ADGRE1: variants seen among roughly 807,000 people sequenced by gnomAD.
ADGRE1 encodes EGF-like module receptor 1.
ADGRE1 carries 82 observed loss-of-function variants against 102.7 expected under a neutral mutation model. The observed-to-expected ratio is 0.80, with a 90% CI of 0.67 to 0.96. The LOEUF (loss-of-function observed/expected upper bound fraction) is 0.96. Ranked by LOEUF, ADGRE1 falls within the 40% of genes least tolerant of loss-of-function variation. The probability of loss-of-function intolerance (pLI) is 0.00; values close to 1 mark genes in which losing one functional copy is unlikely to be tolerated. For missense variants in ADGRE1, 1,032 were observed against 1,085.3 expected (o/e 0.95, Z 0.69); for synonymous variants, 398 against 399.6 (o/e 1.00, Z 0.05).
In ADGRE1 at chr19:6,924,777, C is replaced by T. The variant is rs201517457; in HGVS notation, c.1891C>T (p.Arg631Ter). The change falls in exon 15 of 21, where the codon CGA becomes TGA. Residue 631 changes from arginine (R) to a stop codon, truncating the protein, a stop_gained. Coordinates refer to ENST00000312053, the MANE Select transcript of ADGRE1 (RefSeq NM_001974.5). LOFTEE classifies it high-confidence loss of function. ...CACCTTTCTGCTGTGTCGCTCCATCCGAAATCACAACACCTACCTCCACCT... is the reference window on the plus strand; with the variant it reads ...CACCTTTCTGCTGTGTCGCTCCATCTGAAATCACAACACCTACCTCCACCT... ...IATFLLCRSI[R>*]NHNTYLHLHL... 1.9e-5 allele frequency: 30 copies of T among 1,614,144 alleles called. No homozygotes were observed. Among genetic ancestry groups the T allele is most frequent in the Admixed American group, 3.3e-5 (2 of 60,010 alleles).
In ADGRE1 at chr19:6,919,626, C is replaced by T. The variant is rs1187184895; in HGVS notation, c.1499C>T (p.Ala500Val). The stretch of plus-strand genomic sequence containing the variant: ...GAGCGCTTCTTCAAAGACCACCAGG[C>T]TCCCTTGACCACCTCTGAGATCAAG... ...LNERFFKDHQAPLTTSEIKLK... is the reference protein window; with the variant it reads ...LNERFFKDHQVPLTTSEIKLK... The change falls in exon 13 of 21, where the codon GCT becomes GTT. Residue 500 changes from alanine (A) to valine (V), a missense_variant. By Grantham distance (64) the Ala-to-Val change is moderately conservative. Coordinates refer to ENST00000312053, the MANE Select transcript of ADGRE1 (RefSeq NM_001974.5). 2 of 1,613,626 alleles carry T rather than the reference C, an allele frequency of 1.2e-6. No individual in the cohort carries two copies. The highest frequency in any genetic ancestry group is 1.7e-6 in the Non-Finnish European group (2 of 1,179,950).
At chr19:6,890,030 A>T (rs1599706139) in intron 1 of ADGRE1, among the ~76,000 whole-genome samples, 1 of 152,022 alleles carries the variant, frequency 6.6e-6, no homozygotes, top group Non-Finnish European at 1.5e-5. Flanking sequence ...CTTCCACCTC[A>T]GCCTCCTGAG....
rs556820459 is a variant in ADGRE1 at position 6,902,629 on chromosome 19, C to T, written c.661+608C>T. The stretch of plus-strand genomic sequence containing the variant: ...CTAATTTTTGTATTTTTAGTAGAGA[C>T]AAGGTTTCACCGTGTTGGCCAGGCT... On this transcript the variant is annotated intron_variant, in intron 6 of 20. Coordinates refer to ENST00000312053, the MANE Select transcript of ADGRE1 (RefSeq NM_001974.5). 5.2e-4 allele frequency among the ~76,000 whole-genome samples: 79 copies of T among 152,062 alleles called. 1 individual carries two copies. Among genetic ancestry groups the T allele is most frequent in the Admixed American group, 9.8e-4 (15 of 15,264 alleles).
intron 17 of ADGRE1, among the ~76,000 whole-genome samples, chr19:6,930,343 A>G (rs1306573196): frequency 6.6e-6 from 1 of 152,236 alleles, no homozygotes; most frequent in Admixed American, 6.5e-5. Context: ...ACCTCCATCC[A>G]GACTTGACAG....
chr19:6,932,661 C>A (rs1975212187), intron 17 of ADGRE1, among the ~76,000 whole-genome samples: 1 of 152,024 alleles, frequency 6.6e-6, no homozygotes, highest in Non-Finnish European at 1.5e-5. Flanking sequence ...TGTCCACTCC[C>A]TGAGCCTGAC....
Position 6,908,712 on chromosome 19 carries a change from T to C in ADGRE1, c.1062T>C (p.Asn354=), listed in dbSNP as rs778794420. ...PAYVSFCAQI[N]NIFSVLDKVC... ...AGGTCTCCTTTTGTGCACAAATAAA[T>C]AACATCTTCAGCGTTCTGGACAAAG... The change falls in exon 10 of 21, where the codon AAT becomes AAC. Residue 354 remains asparagine, a synonymous_variant. Coordinates refer to ENST00000312053, the MANE Select transcript of ADGRE1 (RefSeq NM_001974.5). 1 of 1,573,500 alleles carries C rather than the reference T, an allele frequency of 6.4e-7. No individual in the cohort carries two copies. The highest frequency in any genetic ancestry group is 8.6e-7 in the Non-Finnish European group (1 of 1,157,844).
chr19:6,906,900 C>G (rs1233886073), intron 9 of ADGRE1, among the ~76,000 whole-genome samples: 1 of 152,154 alleles, frequency 6.6e-6, no homozygotes, highest in Non-Finnish European at 1.5e-5. Context: ...CATGGTCCCA[C>G]CTAGCTGCAA....
chr19:6,908,707 A>G lies in ADGRE1; in HGVS notation c.1057A>G (p.Ile353Val). 2 of 1,603,518 alleles carry G rather than the reference A, an allele frequency of 1.2e-6. No individual in the cohort carries two copies. Among genetic ancestry groups the G allele is most frequent in the Non-Finnish European group, 1.7e-6 (2 of 1,177,268 alleles). The change falls in exon 10 of 21, where the codon ATA becomes GTA. Residue 353 changes from isoleucine to valine, a missense_variant. Transcript: ENST00000312053. Reference protein sequence around the residue: ...KPAYVSFCAQINNIFSVLDKV... With the variant: ...KPAYVSFCAQVNNIFSVLDKV... ...GACGCAGGTCTCCTTTTGTGCACAA[A>G]TAAATAACATCTTCAGCGTTCTGGA...
chr19:6,925,005 A>G (rs1974838876), intron 15 of ADGRE1, 133 bp downstream of exon 15: 2 of 813,768 alleles, frequency 2.5e-6, no homozygotes, highest in Non-Finnish European at 3.8e-6. Context: ...TCTGCCTGTA[A>G]CACTCACTTC....
intron 11 of ADGRE1, among the ~76,000 whole-genome samples, chr19:6,914,755 C>A (rs190841287): frequency 6.6e-6 from 1 of 152,170 alleles, no homozygotes; most frequent in African/African-American, 2.4e-5. Flanking sequence ...GTACAGCAGG[C>A]TAGGGAGGTT....
chr19:6,908,907 A>T, intron 10 of ADGRE1, 135 bp downstream of exon 10: 2 of 745,588 alleles, frequency 2.7e-6, no homozygotes, highest in Non-Finnish European at 4.2e-6. Context: ...ATTGAGTCAG[A>T]TGAATCACTT....
chr19:6,904,479 C>CA (rs1568342541), intron 8 of ADGRE1, among the ~76,000 whole-genome samples: 8 of 151,248 alleles, frequency 5.3e-5, no homozygotes, highest in African/African-American at 1.2e-4. Context: ...ACACACACAC[C>CA]CAATTATTTA....
intron 17 of ADGRE1, among the ~76,000 whole-genome samples, chr19:6,934,090 G>A (rs960654670): frequency 5.3e-5 from 8 of 152,064 alleles, no homozygotes; most frequent in African/African-American, 1.4e-4. Context: ...ATCATCACTC[G>A]CGTTGGCTCA....
At chr19:6,925,615 ACT>A (rs1974866708) in intron 15 of ADGRE1, among the ~76,000 whole-genome samples, 1 of 152,088 alleles carries the variant, frequency 6.6e-6, no homozygotes. Context: ...GCAGAGAATG[ACT>A]CTGCAATAAT....
At chr19:6,904,313 T>G (rs971064965) in intron 8 of ADGRE1, 131 bp downstream of exon 8, 30 of 1,197,584 alleles carry the variant, frequency 2.5e-5, no homozygotes, top group Non-Finnish European at 3.2e-5. Context: ...CTTTTTCTTC[T>G]TCATCCATTT....
chr19:6,916,476 A>G (rs1479847828), intron 12 of ADGRE1, 108 bp downstream of exon 12: 10 of 1,423,002 alleles, frequency 7.0e-6, no homozygotes, highest in Non-Finnish European at 9.4e-6. Flanking sequence ...AGAACCAATG[A>G]GGGTAGAAAT....
At position 6,911,655 on chromosome 19, in the gene ADGRE1, GCA is replaced by G. The variant is rs571995580; in HGVS notation, c.1123-1991_1123-1990del. 9.7e-4 allele frequency among the ~76,000 whole-genome samples: 143 copies of G among 146,742 alleles called. 1 individual carries two copies. The highest frequency in any genetic ancestry group is 3.1e-3 in the African/African-American group (124 of 39,742). ...AACACACACACATATACACACATGC[GCA>G]CACACATACACATACATACAAATAC... On this transcript the variant is annotated intron_variant, in intron 10 of 20. Coordinates refer to ENST00000312053, the MANE Select transcript of ADGRE1 (RefSeq NM_001974.5).
intron 3 of ADGRE1, 178 bp downstream of exon 3, chr19:6,896,719 G>T: frequency 1.5e-6 from 1 of 673,750 alleles, no homozygotes; most frequent in Non-Finnish European, 2.4e-6. Flanking sequence ...ATATGTGGGG[G>T]TGTTGTTACT....
chr19:6,910,637 T>A (rs74400038), intron 10 of ADGRE1, among the ~76,000 whole-genome samples: 91,294 of 145,030 alleles, frequency 0.63, 30,474 homozygotes, highest in Non-Finnish European at 0.75. Flanking sequence ...AATGGCGCAA[T>A]ATTGACTCAC....
Sources: allele counts gnomAD v4.1 joint callset (sites outside exome capture counted in the v4.1 genomes callset), GRCh38; gene constraint gnomAD v4.1.1; transcripts MANE v1.5; gene names NCBI Gene and HGNC (gene_info 2026-07-23, HGNC 2026-07-21).